TTC39C: variants seen among roughly 807,000 people sequenced by gnomAD.
TTC39C encodes tetratricopeptide repeat domain 39C, also known as tetratricopeptide repeat protein 39C.
A neutral mutation model predicts 76.3 loss-of-function variants in TTC39C; 33 were observed. That is an observed-to-expected ratio of 0.43 (90% confidence interval 0.33 to 0.58). The LOEUF (loss-of-function observed/expected upper bound fraction) is 0.58, where lower values mean the gene tolerates loss of function less well. Ranked by LOEUF, TTC39C falls within the 20% of genes least tolerant of loss-of-function variation. The pLI is 0.04. For missense variants in TTC39C, 595 were observed against 701.4 expected (o/e 0.85, Z 1.71); for synonymous variants, 254 against 260.6 (o/e 0.97, Z 0.24).
intron 6 of TTC39C, among the ~76,000 whole-genome samples, chr18:24,086,702 T>G (rs2084444181): frequency 6.6e-6 from 1 of 152,212 alleles, no homozygotes; most frequent in African/African-American, 2.4e-5. Flanking sequence ...TATAGTACTG[T>G]GCCTCGAACC....
chr18:24,029,910 A>T (rs2083647503), intron 1 of TTC39C, among the ~76,000 whole-genome samples: 1 of 152,116 alleles, frequency 6.6e-6, no homozygotes, highest in Admixed American at 6.6e-5. Context: ...TGATTGATGG[A>T]AATTTGGGCT....
intron 8 of TTC39C, among the ~76,000 whole-genome samples, chr18:24,122,500 CAAAA>C (rs36002596): frequency 7.8e-5 from 4 of 51,040 alleles, no homozygotes; most frequent in African/African-American, 9.9e-5. Flanking sequence ...GACTCCATCT[CAAAA>C]AAAAAAAAAA....
intron 1 of TTC39C, among the ~76,000 whole-genome samples, chr18:24,044,730 C>G (rs1022350595): frequency 5.3e-5 from 8 of 152,200 alleles, no homozygotes; most frequent in Non-Finnish European, 8.8e-5. Flanking sequence ...TTCAGTTTAA[C>G]AGAGCAGGCC....
upstream of TTC39C, among the ~76,000 whole-genome samples, chr18:24,012,280 T>C (rs1023510646): frequency 6.6e-6 from 1 of 152,194 alleles, no homozygotes; most frequent in Admixed American, 6.5e-5. Flanking sequence ...ACATATCTGG[T>C]GTGTATTACA....
At chr18:24,109,454 T>G (rs2084785856) in intron 6 of TTC39C, among the ~76,000 whole-genome samples, 1 of 152,144 alleles carries the variant, frequency 6.6e-6, no homozygotes, top group Non-Finnish European at 1.5e-5. Context: ...TGGCCTAGAA[T>G]TGGGTAGTAT....
At chr18:24,079,904 G>A (rs2084356601) in intron 4 of TTC39C, among the ~76,000 whole-genome samples, 1 of 151,552 alleles carries the variant, frequency 6.6e-6, no homozygotes, top group Admixed American at 6.6e-5. Context: ...CAGGCTCAGG[G>A]AATCCTCCCA....
chr18:24,023,102 C>T (rs893011017), intron 1 of TTC39C, among the ~76,000 whole-genome samples: 1 of 152,190 alleles, frequency 6.6e-6, no homozygotes, highest in African/African-American at 2.4e-5. Flanking sequence ...GGCATAGCAG[C>T]TCCCCTTTAT....
chr18:24,016,878 ATTCC>A, intron 1 of TTC39C: 1 of 396,502 alleles, frequency 2.5e-6, no homozygotes. Context: ...TGCTAGACAC[ATTCC>A]CTTATATATT....
chr18:24,081,017 GA>G, intron 5 of TTC39C, 78 bp downstream of exon 5: 1 of 1,315,928 alleles, frequency 7.6e-7, no homozygotes, highest in Non-Finnish European at 1.0e-6. Context: ...GACTTTAAAG[GA>G]AACTTCAGGT....
chr18:24,086,089 T>C (rs1379370830), intron 6 of TTC39C, among the ~76,000 whole-genome samples: 3 of 152,234 alleles, frequency 2.0e-5, no homozygotes, highest in Non-Finnish European at 2.9e-5. Flanking sequence ...GAAACTTACA[T>C]GACTCCTTCC....
At chr18:24,013,699 T>C (rs1006393232), upstream of TTC39C, among the ~76,000 whole-genome samples, 10 of 152,220 alleles carry the variant, frequency 6.6e-5, no homozygotes, top group Non-Finnish European at 1.5e-5. Context: ...ATTGCAACAC[T>C]ACATTAAGGG....
At chr18:24,117,878 T>C (rs917526349) in intron 7 of TTC39C, among the ~76,000 whole-genome samples, 32 of 152,330 alleles carry the variant, frequency 2.1e-4, no homozygotes, top group African/African-American at 7.5e-4. Flanking sequence ...TAGAAATCTT[T>C]ATGCCATTCT....
chr18:24,025,029 C>T (rs538816368), intron 1 of TTC39C, among the ~76,000 whole-genome samples: 16 of 152,134 alleles, frequency 1.1e-4, no homozygotes, highest in African/African-American at 3.1e-4. Context: ...CCGCCACACC[C>T]GGCTAATTTT....
At chr18:24,129,922 G>A (rs898335837) in intron 11 of TTC39C, among the ~76,000 whole-genome samples, 5 of 152,058 alleles carry the variant, frequency 3.3e-5, no homozygotes, top group African/African-American at 1.2e-4. Context: ...TAGATCAAAT[G>A]CTTATGTGCT....
chr18:24,098,812 A>G (rs1016525561), intron 6 of TTC39C, among the ~76,000 whole-genome samples: 1 of 151,474 alleles, frequency 6.6e-6, no homozygotes, highest in East Asian at 2.0e-4. Context: ...TTGTATTCTT[A>G]GTAGAGACGG....
intron 6 of TTC39C, among the ~76,000 whole-genome samples, chr18:24,088,446 A>G (rs1027083184): frequency 1.3e-5 from 2 of 152,236 alleles, no homozygotes; most frequent in African/African-American, 2.4e-5. Flanking sequence ...TATGGGCAGT[A>G]TCGTCTGTAG....
chr18:24,049,949 A>C (rs1760355869), intron 1 of TTC39C, among the ~76,000 whole-genome samples: 1 of 152,172 alleles, frequency 6.6e-6, no homozygotes, highest in Admixed American at 6.5e-5. Context: ...GGTAGTCCTA[A>C]CTCAAGAAAG....
chr18:24,056,520 G>C (rs4800539), intron 1 of TTC39C, among the ~76,000 whole-genome samples: 1 of 152,186 alleles, frequency 6.6e-6, no homozygotes, highest in African/African-American at 2.4e-5. Context: ...CTGCTTACCT[G>C]AGTGAGAAAT....
chr18:24,017,813 C>G (rs2083472005), intron 1 of TTC39C, among the ~76,000 whole-genome samples: 1 of 152,188 alleles, frequency 6.6e-6, no homozygotes, highest in African/African-American at 2.4e-5. Context: ...CACCCTTCCT[C>G]TACTAGTAAA....
Sources: allele counts gnomAD v4.1 joint callset (sites outside exome capture counted in the v4.1 genomes callset), GRCh38; gene constraint gnomAD v4.1.1; transcripts MANE v1.5; gene names NCBI Gene and HGNC (gene_info 2026-07-23, HGNC 2026-07-21).